The following SULF1 variants were observed in gnomAD, a reference collection of about 807,000 sequenced individuals.
SULF1 encodes sulfatase 1.
Under a neutral mutation model 110.5 loss-of-function variants are expected in SULF1, and 46 were observed. That is an observed-to-expected ratio of 0.42 (90% CI 0.33 to 0.53). SULF1 has a LOEUF of 0.53. SULF1 is among the 20% of genes least tolerant of loss of function. The pLI, the probability that SULF1 is intolerant of heterozygous loss-of-function variation, is 0.12. For missense variants in SULF1, 941 were observed against 1,094.2 expected (o/e 0.86, Z 1.98); for synonymous variants, 371 against 387.1 (o/e 0.96, Z 0.49).
chr8:69,545,131 AT>A (rs1814164553), intron 3 of SULF1, among the ~76,000 whole-genome samples: 1 of 137,538 alleles, frequency 7.3e-6, no homozygotes, highest in African/African-American at 2.7e-5. Flanking sequence ...GATTCCTAAT[AT>A]TCTTTATTTG....
At chr8:69,551,060 C>T (rs1814672424) in intron 3 of SULF1, among the ~76,000 whole-genome samples, 1 of 152,212 alleles carries the variant, frequency 6.6e-6, no homozygotes, top group Non-Finnish European at 1.5e-5. Flanking sequence ...ACTATATTCA[C>T]CTGCCACTGT....
chr8:69,579,562 C>CA (rs1288847198), intron 6 of SULF1, among the ~76,000 whole-genome samples: 369 of 111,726 alleles, frequency 3.3e-3, no homozygotes, highest in African/African-American at 0.012. Context: ...CACACACACA[C>CA]ACAAAAAAAA....
At chr8:69,506,025 G>C (rs1811168466) in intron 3 of SULF1, among the ~76,000 whole-genome samples, 1 of 151,492 alleles carries the variant, frequency 6.6e-6, no homozygotes. Flanking sequence ...GATTTCATAG[G>C]GTATTATCTA....
intron 3 of SULF1, among the ~76,000 whole-genome samples, chr8:69,510,042 A>AT (rs931476614): frequency 4.6e-5 from 7 of 152,008 alleles, no homozygotes; most frequent in Non-Finnish European, 1.0e-4. Flanking sequence ...AAAAACATTG[A>AT]TTTTTTTTCT....
At chr8:69,633,010 C>T (rs561188341) in intron 19 of SULF1, among the ~76,000 whole-genome samples, 3 of 146,050 alleles carry the variant, frequency 2.1e-5, no homozygotes, top group Non-Finnish European at 3.0e-5. Context: ...AGAGTGAGAC[C>T]GCATGTCAGA....
intron 19 of SULF1, among the ~76,000 whole-genome samples, chr8:69,634,122 C>A (rs1810796336): frequency 6.6e-6 from 1 of 152,114 alleles, no homozygotes; most frequent in Admixed American, 6.5e-5. Context: ...AAGATATTAT[C>A]TTTTCTTCAC....
intron 3 of SULF1, among the ~76,000 whole-genome samples, chr8:69,534,541 T>G (rs1452410749): frequency 6.6e-6 from 1 of 152,218 alleles, no homozygotes; most frequent in Non-Finnish European, 1.5e-5. Flanking sequence ...CAAGTATTCC[T>G]TCCAGGAAGG....
At chr8:69,485,524 C>T (rs542660534) in intron 1 of SULF1, among the ~76,000 whole-genome samples, 1 of 152,290 alleles carries the variant, frequency 6.6e-6, no homozygotes, top group Admixed American at 6.5e-5. Context: ...TTAGCCTCAG[C>T]TTCTTCTTCC....
In SULF1 at chr8:69,603,204, C is replaced by G. The variant is rs752308637; in HGVS notation, c.1074C>G (p.Ile358Met). The change falls in exon 11 of 23, where the codon ATC becomes ATG. Residue 358 changes from isoleucine to methionine, a missense_variant. Ile to Met is a conservative substitution (Grantham distance 10). Transcript: ENST00000402687. Reference protein sequence around the residue: ...SVEPGSIVPQIVLNIDLAPTI... With the variant: ...SVEPGSIVPQMVLNIDLAPTI... ...TGCCCCTTTACAGAGTCCCACAGATCGTTCTCAACATTGACTTGGCCCCCA... is the reference window on the plus strand; with the variant it reads ...TGCCCCTTTACAGAGTCCCACAGATGGTTCTCAACATTGACTTGGCCCCCA... The G allele has an allele frequency of 6.2e-7, 1 of 1,614,124 alleles. No homozygotes were observed.
At chr8:69,587,887 T>C (rs1806586698) in intron 7 of SULF1, among the ~76,000 whole-genome samples, 1 of 152,198 alleles carries the variant, frequency 6.6e-6, no homozygotes, top group Non-Finnish European at 1.5e-5. Flanking sequence ...AGAATATATA[T>C]CTTTTTTTAG....
intron 1 of SULF1, among the ~76,000 whole-genome samples, chr8:69,495,473 A>G (rs77296675): frequency 0.034 from 5,230 of 152,238 alleles, 287 homozygotes; most frequent in African/African-American, 0.12. Context: ...ACTATGTTCT[A>G]ATGCCCCCCA....
chr8:69,640,187 A>AT (rs1811370895), intron 21 of SULF1, among the ~76,000 whole-genome samples: 1 of 45,128 alleles, frequency 2.2e-5, no homozygotes, highest in African/African-American at 5.7e-5. Context: ...AAGAGAAAAG[A>AT]AAGAAAGAGA....
At position 69,603,663 on chromosome 8, in the gene SULF1, A is replaced by G; in HGVS notation, c.1247+7A>G. The G allele has an allele frequency of 6.2e-7, 1 of 1,609,942 alleles. No homozygotes were observed. The highest frequency in any genetic ancestry group is 1.7e-5 in the Admixed American group (1 of 60,028). ...CATTCCTAGTGGAAAGAGGGTAATT[A>G]TTGGTTCCTGGGGTGCTTCTGGGAA... On this transcript the variant is annotated splice_region_variant and intron_variant, in intron 12 of 22. Coordinates refer to ENST00000402687, the MANE Select transcript of SULF1 (RefSeq NM_001128205.2).
Position 69,580,174 on chromosome 8 carries a change from G to A in SULF1, c.412+3965G>A, listed in dbSNP as rs372834239. On this transcript the variant is annotated intron_variant, in intron 6 of 22. Coordinates refer to ENST00000402687, the MANE Select transcript of SULF1 (RefSeq NM_001128205.2). ...TTCTAAGTTTACTCATGGAAAATAT[G>A]AGTCTATGAGAGCTTGAATGTTCAA... is the stretch of plus-strand genomic sequence containing the variant. Among the ~76,000 whole-genome samples the A allele has an allele frequency of 6.6e-5, 10 of 152,222 alleles. No individual in the cohort carries two copies. The East Asian group carries it at 1.7e-3, about 26-fold the overall frequency.
chr8:69,554,383 T>TATAAG (rs10663699), intron 3 of SULF1, among the ~76,000 whole-genome samples: 30,837 of 152,044 alleles, frequency 0.2, 3,227 homozygotes, highest in African/African-American at 0.26. Context: ...TTATTTTACA[T>TATAAG]ATAAGTAACA....
At chr8:69,567,597 T>C (rs1217905440) in intron 5 of SULF1, among the ~76,000 whole-genome samples, 3 of 152,220 alleles carry the variant, frequency 2.0e-5, no homozygotes, top group Non-Finnish European at 4.4e-5. Context: ...ATTTATCTTT[T>C]TATGACTGGC....
intron 3 of SULF1, among the ~76,000 whole-genome samples, chr8:69,514,120 C>G (rs561796876): frequency 6.6e-6 from 1 of 152,310 alleles, no homozygotes; most frequent in East Asian, 1.9e-4. Context: ...TATGCTTTTA[C>G]TGTATTCTAC....
At chr8:69,630,531 C>T (rs1810436892) in intron 19 of SULF1, among the ~76,000 whole-genome samples, 1 of 152,128 alleles carries the variant, frequency 6.6e-6, no homozygotes, top group Non-Finnish European at 1.5e-5. Context: ...TTTGATGTCT[C>T]TTGATTTCAG....
chr8:69,612,775 T>A (rs1357183237), intron 13 of SULF1, among the ~76,000 whole-genome samples: 2 of 152,234 alleles, frequency 1.3e-5, no homozygotes, highest in Non-Finnish European at 2.9e-5. Flanking sequence ...ATGCATAGTT[T>A]GCAAATATTT....
Sources: gnomAD v4.1 joint callset for allele counts (sites outside exome capture counted in the v4.1 genomes callset) on GRCh38, gnomAD v4.1.1 for gene constraint, MANE v1.5 for transcripts, NCBI Gene and HGNC (gene_info 2026-07-23, HGNC 2026-07-21) for gene names.